Variants in ACO2 observed in about 807,000 individuals in gnomAD.
ACO2 encodes the protein aconitase 2, also known as aconitate hydratase, mitochondrial.
Under a neutral mutation model 84.5 loss-of-function variants are expected in ACO2, and 31 were observed. The ratio of observed to expected loss-of-function variants is 0.37; its 90% CI spans 0.28 to 0.50. The LOEUF is 0.50. Among genes scored for constraint, ACO2 ranks in the 20% least tolerant of loss-of-function variants. ACO2 has a pLI of 0.97. For synonymous variants in ACO2, 414 were observed against 412.7 expected (o/e 1.00, Z -0.04); for missense variants, 685 against 1,029.3 (o/e 0.67, Z 4.58).
chr22:41,469,719 A>T (rs2037919228), intron 1 of ACO2, among the ~76,000 whole-genome samples: 1 of 152,188 alleles, frequency 6.6e-6, no homozygotes, highest in Non-Finnish European at 1.5e-5. Context: ...TTCTGGGCCC[A>T]TACGTAGTAA....
chr22:41,525,370 G>A, intron 14 of ACO2, 22 bp downstream of exon 14: 2 of 1,611,878 alleles, frequency 1.2e-6, no homozygotes, highest in South Asian at 1.1e-5. Flanking sequence ...GGGGACGGCA[G>A]GACAGCCCCA....
chr22:41,499,946 G>A (rs2066342281), intron 2 of ACO2, 84 bp downstream of exon 2: 2 of 1,549,590 alleles, frequency 1.3e-6, no homozygotes, highest in African/African-American at 1.4e-5. Flanking sequence ...GGTGTTTTGT[G>A]AAGGATGCTT....
intron 2 of ACO2, among the ~76,000 whole-genome samples, chr22:41,506,549 G>A (rs1410875163): frequency 3.3e-5 from 5 of 152,000 alleles, no homozygotes; most frequent in African/African-American, 9.7e-5. Flanking sequence ...CACCGCACCC[G>A]GCCTCATTCT....
At chr22:41,522,807 C>A (rs777705978) in intron 9 of ACO2, 23 bp from the exon 10 acceptor site, 3 of 1,613,196 alleles carry the variant, frequency 1.9e-6, no homozygotes, top group Non-Finnish European at 2.5e-6. Context: ...TGACCCTTAA[C>A]CCCACCACCC....
rs756497120 is a variant in ACO2, at chr22:41,523,911, C to G, written c.1452C>G (p.Pro484=). The G allele has an allele frequency of 2.5e-6, 4 of 1,612,866 alleles. No homozygotes were observed. The highest frequency in any genetic ancestry group is 3.4e-6 in the Non-Finnish European group (4 of 1,180,010). The change falls in exon 12 of 18, where the codon CCC becomes CCG. Residue 484 remains proline, a synonymous_variant. Coordinates refer to ENST00000216254, the MANE Select transcript of ACO2 (RefSeq NM_001098.3). ...RNFTGRNDAN[P]ETHAFVTSPE... ...TCACGGGCCGCAACGACGCAAACCC[C>G]GAGACCCATGCCTTTGTCACGTCCC...
intron 1 of ACO2, among the ~76,000 whole-genome samples, chr22:41,474,792 A>G (rs540462005): frequency 2.1e-5 from 3 of 140,846 alleles, no homozygotes; most frequent in African/African-American, 7.9e-5. Flanking sequence ...TAGTAGAGAC[A>G]GGGTTTCACT....
chr22:41,472,539 G>A (rs1307379738), intron 1 of ACO2, among the ~76,000 whole-genome samples: 1 of 152,120 alleles, frequency 6.6e-6, no homozygotes, highest in African/African-American at 2.4e-5. Flanking sequence ...AGTTGAATGT[G>A]TACTCTCGTT....
rs1601934456 is a variant in ACO2 at position 41,526,713 on chromosome 22, AGACAAGGAAGGGGGCC to A, written c.1953+264_1953+279del. 9.2e-6 allele frequency: 4 copies of A among 434,666 alleles called. No homozygotes were observed. In the East Asian group the frequency reaches 1.5e-4, roughly 16 times the overall value. The allele number at this position is 434,666 out of a possible 1,614,324, so 26.9% of individuals were successfully genotyped here. On this transcript the variant is annotated intron_variant, in intron 15 of 17. Coordinates refer to ENST00000216254, the MANE Select transcript of ACO2 (RefSeq NM_001098.3). Reference sequence around the variant, plus strand: ...TCTTAGGATATCTGGCCCTAGACAAAGACAAGGAAGGGGGCCGACTCAGGAAGTCAGAGGCCAAAAG... The same window carrying A: ...TCTTAGGATATCTGGCCCTAGACAAAGACTCAGGAAGTCAGAGGCCAAAAG...
At chr22:41,496,329 A>C (rs2066313470) in intron 1 of ACO2, among the ~76,000 whole-genome samples, 1 of 152,124 alleles carries the variant, frequency 6.6e-6, no homozygotes, top group Non-Finnish European at 1.5e-5. Context: ...AAAAAAGTAA[A>C]AGAAGAAGAG....
At chr22:41,526,668 G>A in intron 15 of ACO2, 1 of 521,026 alleles carries the variant, frequency 1.9e-6, no homozygotes, top group Non-Finnish European at 3.4e-6. Context: ...CCCTGCACCA[G>A]GAGGAGTTAG....
chr22:41,528,906 ATT>A lies in ACO2; in HGVS notation c.*295_*296del. The stretch of plus-strand genomic sequence containing the variant: ...TCTAAAGTTTTTCTCCTGCCTGATC[ATT>A]TCATTGGTGGCTGAAGGATTCTAGA... On this transcript the variant is annotated 3_prime_UTR_variant, in exon 18 of 18. Transcript: ENST00000216254. 3 of 516,916 alleles carry A rather than the reference ATT, an allele frequency of 5.8e-6. No homozygotes were observed. The highest frequency in any genetic ancestry group is 3.4e-6 in the Non-Finnish European group (1 of 293,082). 32.0% of individuals were successfully genotyped at this position (516,916 alleles called of 1,614,324 possible). A position where few individuals can be genotyped will look rare whatever the true frequency, so the allele number is the denominator to read the frequency against.
chr22:41,492,881 T>G (rs184694731), intron 1 of ACO2, among the ~76,000 whole-genome samples: 1 of 151,958 alleles, frequency 6.6e-6, no homozygotes, highest in Non-Finnish European at 1.5e-5. Context: ...GAGGCGGAGG[T>G]TGCAGTGAGA....
chr22:41,485,795 C>G (rs1328924775), intron 1 of ACO2, among the ~76,000 whole-genome samples: 1 of 152,030 alleles, frequency 6.6e-6, no homozygotes, highest in African/African-American at 2.4e-5. Flanking sequence ...CCATGTTGGT[C>G]AGGCTGGTCT....
chr22:41,519,997 C>A (rs9611604), intron 8 of ACO2, among the ~76,000 whole-genome samples, 174 bp from the exon 9 acceptor site: 1 of 152,004 alleles, frequency 6.6e-6, no homozygotes, highest in South Asian at 2.1e-4. Flanking sequence ...GGAGGGAGCC[C>A]GGGAGCGGGT....
At chr22:41,502,650 C>T (rs1461864275) in intron 2 of ACO2, among the ~76,000 whole-genome samples, 1 of 152,154 alleles carries the variant, frequency 6.6e-6, no homozygotes, top group Non-Finnish European at 1.5e-5. Context: ...ACTCTGTCAC[C>T]CAGGCTGGAG....
chr22:41,527,553 C>T, intron 16 of ACO2, 133 bp downstream of exon 16: 3 of 1,281,298 alleles, frequency 2.3e-6, no homozygotes, highest in Admixed American at 2.4e-5. Context: ...CAGCCTCTTG[C>T]CCCTTCTTAG....
chr22:41,480,777 A>G (rs1601881704), intron 1 of ACO2, among the ~76,000 whole-genome samples: 1 of 152,262 alleles, frequency 6.6e-6, no homozygotes, highest in East Asian at 1.9e-4. Context: ...CTGTATTTAC[A>G]AGTCTTTCTA....
chr22:41,525,125 C>T (rs538894905), intron 13 of ACO2, 68 bp from the exon 14 acceptor site: 2 of 1,597,296 alleles, frequency 1.3e-6, no homozygotes, highest in East Asian at 2.2e-5. Flanking sequence ...GGAAACTTGC[C>T]TTCTGAGAGT....
rs1470258592 is a variant in ACO2 at position 41,507,437 on chromosome 22, A to C, written c.174-354A>C. ...GGCTTTCTTGGTTGTTGTTGTTGTT[A>C]AATGGCAGGAATGATGAGATATGCA... On this transcript the variant is annotated intron_variant, in intron 2 of 17. Coordinates refer to ENST00000216254, the MANE Select transcript of ACO2 (RefSeq NM_001098.3). 2.6e-5 allele frequency among the ~76,000 whole-genome samples: 4 copies of C among 152,132 alleles called. No homozygotes were observed. In the East Asian group the frequency reaches 7.7e-4, roughly 29 times the overall value.
Sources: gnomAD v4.1 joint callset for allele counts (sites outside exome capture counted in the v4.1 genomes callset) on GRCh38, gnomAD v4.1.1 for gene constraint, MANE v1.5 for transcripts, NCBI Gene and HGNC (gene_info 2026-07-23, HGNC 2026-07-21) for gene names.